The following CDH12 variants were observed in gnomAD, a reference collection of about 807,000 sequenced individuals.
The protein encoded by CDH12 is cadherin 12.
Under a neutral mutation model 74.1 loss-of-function variants are expected in CDH12, and 41 were observed. The ratio of observed to expected loss-of-function variants is 0.55; its 90% confidence interval spans 0.43 to 0.72. The LOEUF (loss-of-function observed/expected upper bound fraction) is 0.72, where lower values mean the gene tolerates loss of function less well. Among genes scored for constraint, CDH12 ranks in the 30% least tolerant of loss-of-function variants. The pLI, the probability that CDH12 is intolerant of heterozygous loss-of-function variation, is 0.00. For missense variants in CDH12, 945 were observed against 977.2 expected, an observed-to-expected ratio of 0.97 and a Z score of 0.44; for synonymous variants, 399 against 355.0, an observed-to-expected ratio of 1.12 and a Z score of -1.39.
At chr5:22,591,976 A>AG (rs1554052655) in intron 1 of CDH12, among the ~76,000 whole-genome samples, 46 of 151,934 alleles carry the variant, frequency 3.0e-4, no homozygotes, top group African/African-American at 1.1e-3. Context: ...CACCATGTGA[A>AG]CCCTAAGTCA....
At chr5:22,314,201 G>T (rs928839586) in intron 3 of CDH12, among the ~76,000 whole-genome samples, 1 of 152,122 alleles carries the variant, frequency 6.6e-6, no homozygotes, top group East Asian at 1.9e-4. Flanking sequence ...AAGGAACCCG[G>T]ATGTAACTTT....
chr5:22,122,288 A>C (rs1186819496), intron 4 of CDH12, among the ~76,000 whole-genome samples: 12 of 152,078 alleles, frequency 7.9e-5, no homozygotes, highest in Admixed American at 7.9e-4. Context: ...CTGTAATCCC[A>C]GCTACTTGGG....
At chr5:21,974,982 T>A (rs990701823) in intron 6 of CDH12, 109 bp downstream of exon 6, 1 of 776,388 alleles carries the variant, frequency 1.3e-6, no homozygotes, top group East Asian at 2.5e-5. Flanking sequence ...TTTTCTAGAA[T>A]TGAAAAATAT....
intron 4 of CDH12, among the ~76,000 whole-genome samples, chr5:22,170,106 T>A (rs1580352997): frequency 6.6e-6 from 1 of 151,982 alleles, no homozygotes; most frequent in East Asian, 1.9e-4. Context: ...TGTAGTTGAA[T>A]AACACACCTA....
chr5:21,763,670 A>C (rs1215385331), intron 12 of CDH12, among the ~76,000 whole-genome samples: 1 of 152,204 alleles, frequency 6.6e-6, no homozygotes, highest in Non-Finnish European at 1.5e-5. Context: ...GTTTCATGAC[A>C]TAATCTTTTC....
At chr5:21,769,585 AT>A (rs1278917965) in intron 11 of CDH12, among the ~76,000 whole-genome samples, 1 of 152,142 alleles carries the variant, frequency 6.6e-6, no homozygotes, top group Non-Finnish European at 1.5e-5. Context: ...TATAGGATAG[AT>A]TTTTAGGTGT....
chr5:22,341,510 G>C (rs1739848794), intron 3 of CDH12, among the ~76,000 whole-genome samples: 1 of 152,074 alleles, frequency 6.6e-6, no homozygotes, highest in Non-Finnish European at 1.5e-5. Flanking sequence ...TCATGATTTT[G>C]ATTATGACCT....
Position 22,007,260 on chromosome 5 carries a change from C to T in CDH12, c.232-31875G>A, listed in dbSNP as rs996653927. On this transcript the variant is annotated intron_variant, in intron 5 of 14. Coordinates refer to ENST00000382254, the MANE Select transcript of CDH12 (RefSeq NM_004061.5). The stretch of plus-strand genomic sequence containing the variant: ...CAAGCTCAAGAGATCTGTTATACAA[C>T]GTGGTGACCATAGTTAATAGCAATG... Among the ~76,000 whole-genome samples the T allele has an allele frequency of 2.6e-5, 4 of 152,084 alleles. No individual in the cohort carries two copies. In the South Asian group the frequency reaches 6.2e-4, roughly 24 times the overall value.
intron 6 of CDH12, among the ~76,000 whole-genome samples, chr5:21,933,640 T>C (rs527363973): frequency 1.3e-5 from 2 of 152,332 alleles, no homozygotes; most frequent in African/African-American, 2.4e-5. Context: ...AGTAGCAGAT[T>C]AGCACAGGTG....
At chr5:22,083,646 C>T (rs557869969) in intron 4 of CDH12, among the ~76,000 whole-genome samples, 1 of 152,230 alleles carries the variant, frequency 6.6e-6, no homozygotes, top group Non-Finnish European at 1.5e-5. Flanking sequence ...TTATTACACC[C>T]ATTTGACAGA....
chr5:21,756,092 A>G (rs954871421), intron 13 of CDH12, among the ~76,000 whole-genome samples: 2 of 152,178 alleles, frequency 1.3e-5, no homozygotes, highest in Admixed American at 6.5e-5. Flanking sequence ...AATGCTTTAC[A>G]AGACAGAAAG....
chr5:22,837,701 C>A (rs2126515005), intron 1 of CDH12, among the ~76,000 whole-genome samples: 1 of 152,188 alleles, frequency 6.6e-6, no homozygotes, highest in African/African-American at 2.4e-5. Context: ...TTGAGTTATA[C>A]TAGACCATGA....
At chr5:22,773,836 A>G (rs1014587506) in intron 1 of CDH12, among the ~76,000 whole-genome samples, 2 of 152,110 alleles carry the variant, frequency 1.3e-5, no homozygotes, top group African/African-American at 4.8e-5. Flanking sequence ...AGAAAAAGAC[A>G]TGGACACTTC....
At chr5:22,170,773 A>G (rs1230854740) in intron 4 of CDH12, among the ~76,000 whole-genome samples, 1 of 151,776 alleles carries the variant, frequency 6.6e-6, no homozygotes, top group Non-Finnish European at 1.5e-5. Flanking sequence ...CTGGTGCCAC[A>G]TTTTTTGTGA....
chr5:21,829,724 G>C (rs770604369), intron 8 of CDH12, among the ~76,000 whole-genome samples: 15 of 152,210 alleles, frequency 9.9e-5, no homozygotes, highest in Non-Finnish European at 1.3e-4. Flanking sequence ...TGCCGCTGCT[G>C]TCAGAAATCT....
In CDH12 at chr5:22,718,935, G is replaced by A. The variant is rs567390154; in HGVS notation, c.-523+134123C>T. Among the ~76,000 whole-genome samples, 57 of 152,230 alleles carry A rather than the reference G, an allele frequency of 3.7e-4. No homozygotes were observed. The South Asian group carries it at 6.4e-3, about 17-fold the overall frequency. ...TTTGCCCTGTGTGTCTCTTTCCTTCGCTGATTTTGAGTCTTTTCACTATCA... is the reference window on the plus strand; with the variant it reads ...TTTGCCCTGTGTGTCTCTTTCCTTCACTGATTTTGAGTCTTTTCACTATCA... On this transcript the variant is annotated intron_variant, in intron 1 of 14. Coordinates refer to ENST00000382254, the MANE Select transcript of CDH12 (RefSeq NM_004061.5).
At chr5:22,791,551 C>G (rs989650263) in intron 1 of CDH12, among the ~76,000 whole-genome samples, 1 of 152,110 alleles carries the variant, frequency 6.6e-6, no homozygotes, top group Admixed American at 6.5e-5. Context: ...TTTGTCAATT[C>G]TTGGACTCTT....
chr5:22,789,063 AGTTT>A, intron 1 of CDH12, among the ~76,000 whole-genome samples: 1 of 152,230 alleles, frequency 6.6e-6, no homozygotes, highest in South Asian at 2.1e-4. Context: ...GGAATATCAT[AGTTT>A]ATTTTGAGTT....
At chr5:22,529,591 T>C (rs998187978) in intron 1 of CDH12, among the ~76,000 whole-genome samples, 1 of 152,118 alleles carries the variant, frequency 6.6e-6, no homozygotes, top group Non-Finnish European at 1.5e-5. Flanking sequence ...CAATTTGCTA[T>C]ACTCGGTCTA....
Sources: allele counts gnomAD v4.1 joint callset (sites outside exome capture counted in the v4.1 genomes callset), GRCh38; gene constraint gnomAD v4.1.1; transcripts MANE v1.5; gene names NCBI Gene and HGNC (gene_info 2026-07-23, HGNC 2026-07-21).